AMD1: variants seen among roughly 807,000 people sequenced by gnomAD.
AMD1 encodes adenosylmethionine decarboxylase 1.
Under a neutral mutation model 40.2 loss-of-function variants are expected in AMD1, and 11 were observed. The observed-to-expected ratio is 0.27, with a 90% CI of 0.17 to 0.45. The LOEUF is 0.45. Among genes scored for constraint, AMD1 ranks in the 20% least tolerant of loss-of-function variants. The pLI is 1.00. For missense variants in AMD1, 257 were observed against 410.2 expected (o/e 0.63, Z 3.23); for synonymous variants, 121 against 130.8 (o/e 0.93, Z 0.51).
the AMD1 span, among the ~76,000 whole-genome samples, chr6:110,835,868 C>T: frequency 6.6e-6 from 1 of 150,744 alleles, no homozygotes; most frequent in Non-Finnish European, 1.5e-5. Context: ...TCCATCCCCC[C>T]ACCCCACCCC....
the AMD1 span, among the ~76,000 whole-genome samples, chr6:110,868,037 C>G: frequency 6.6e-6 from 1 of 152,242 alleles, no homozygotes. Flanking sequence ...GTTGACCAGG[C>G]TGGTCTGGAA....
chr6:110,876,117 CCG>C (rs1785099010), intron 1 of AMD1, among the ~76,000 whole-genome samples: 1 of 152,246 alleles, frequency 6.6e-6, no homozygotes, highest in South Asian at 2.1e-4. Context: ...CCACTGCGGG[CCG>C]TCACGCGAGA....
the AMD1 span, among the ~76,000 whole-genome samples, chr6:110,820,699 G>T: frequency 6.6e-6 from 1 of 151,904 alleles, no homozygotes; most frequent in African/African-American, 2.4e-5. Context: ...GTCAAGAGCT[G>T]GAGACCAGCC....
the AMD1 span, among the ~76,000 whole-genome samples, chr6:110,868,027 G>A: frequency 1.3e-5 from 2 of 152,050 alleles, no homozygotes; most frequent in African/African-American, 2.4e-5. Context: ...GTCTGGCTAC[G>A]TTGACCAGGC....
the AMD1 span, among the ~76,000 whole-genome samples, chr6:110,862,528 G>A: frequency 3.4e-5 from 5 of 147,440 alleles, 1 homozygote; most frequent in Admixed American, 3.4e-4. Context: ...GTGCAGTGTT[G>A]AGATCTGAGC....
chr6:110,883,572 G>A (rs895452332), intron 1 of AMD1, among the ~76,000 whole-genome samples: 4 of 152,122 alleles, frequency 2.6e-5, no homozygotes, highest in Non-Finnish European at 4.4e-5. Context: ...CTAAAACAAC[G>A]AGAGAAGGGA....
chr6:110,827,290 CT>C, the AMD1 span, among the ~76,000 whole-genome samples: 114 of 145,752 alleles, frequency 7.8e-4, no homozygotes, highest in Middle Eastern at 3.6e-3. Flanking sequence ...ATTTTTCTTT[CT>C]TTTTTTTTTT....
chr6:110,871,308 T>C (rs1260286528), upstream of AMD1, among the ~76,000 whole-genome samples: 2 of 152,214 alleles, frequency 1.3e-5, no homozygotes, highest in Non-Finnish European at 2.9e-5. Flanking sequence ...TCACTCTAGC[T>C]GCTCTGTGTT....
chr6:110,887,682 GT>G (rs1328048220), intron 2 of AMD1, 91 bp downstream of exon 2: 14 of 948,222 alleles, frequency 1.5e-5, no homozygotes, highest in Non-Finnish European at 2.0e-5. Context: ...AGTTCTGGGG[GT>G]TTTTTTGTTT....
At chr6:110,876,051 C>G (rs532137500) in intron 1 of AMD1, among the ~76,000 whole-genome samples, 1 of 152,344 alleles carries the variant, frequency 6.6e-6, no homozygotes, top group South Asian at 2.1e-4. Flanking sequence ...CCGCCTGCCC[C>G]AGGACATAAT....
the AMD1 span, among the ~76,000 whole-genome samples, chr6:110,828,340 G>A: frequency 6.6e-6 from 1 of 151,898 alleles, no homozygotes; most frequent in Non-Finnish European, 1.5e-5. Context: ...GCTGAGGCAG[G>A]AGAGAATCGC....
upstream of AMD1, among the ~76,000 whole-genome samples, chr6:110,872,799 TA>T (rs746952401): frequency 4.5e-4 from 68 of 152,314 alleles, no homozygotes; most frequent in African/African-American, 1.6e-3. Context: ...ACTTTTATAT[TA>T]ACTTAAATTG....
At chr6:110,825,516 A>G in the AMD1 span, among the ~76,000 whole-genome samples, 1 of 152,208 alleles carries the variant, frequency 6.6e-6, no homozygotes, top group African/African-American at 2.4e-5. Context: ...CATGTATGCA[A>G]GAGTCACGGG....
At chr6:110,820,022 C>A in the AMD1 span, among the ~76,000 whole-genome samples, 1 of 152,124 alleles carries the variant, frequency 6.6e-6, no homozygotes, top group Non-Finnish European at 1.5e-5. Flanking sequence ...AGGGGAGAAG[C>A]CCTCAATTCT....
the AMD1 span, among the ~76,000 whole-genome samples, chr6:110,865,633 G>A: frequency 6.6e-6 from 1 of 152,114 alleles, no homozygotes; most frequent in African/African-American, 2.4e-5. Flanking sequence ...GACCTCAGGT[G>A]ATCTATCCAC....
intron 1 of AMD1, among the ~76,000 whole-genome samples, chr6:110,876,984 C>T (rs1383295176): frequency 1.3e-5 from 2 of 152,188 alleles, no homozygotes; most frequent in African/African-American, 4.8e-5. Context: ...CTGTTTAGAG[C>T]TTCCTGAGTC....
chr6:110,858,305 C>T, the AMD1 span: 1 of 869,492 alleles, frequency 1.2e-6, no homozygotes, highest in Non-Finnish European at 1.9e-6. Context: ...GAACCGGCTC[C>T]TGTGCAAATA....
the AMD1 span, among the ~76,000 whole-genome samples, chr6:110,862,019 C>CTTTT: frequency 4.8e-5 from 6 of 125,464 alleles, no homozygotes; most frequent in South Asian, 2.7e-4. Context: ...GATTTAAAAT[C>CTTTT]TTTTTTTTTT....
At chr6:110,815,329 T>G in the AMD1 span, 2 of 459,084 alleles carry the variant, frequency 4.4e-6, no homozygotes, top group African/African-American at 2.1e-5. Context: ...AGCCACCTCC[T>G]CCACCTCTTC....
Sources: allele counts gnomAD v4.1 joint callset (sites outside exome capture counted in the v4.1 genomes callset), GRCh38; gene constraint gnomAD v4.1.1; transcripts MANE v1.5; gene names NCBI Gene and HGNC (gene_info 2026-07-23, HGNC 2026-07-21).